PIK3AP1: variants seen among roughly 807,000 people sequenced by gnomAD.
The protein encoded by PIK3AP1 is phosphoinositide 3-kinase adapter protein 1.
In PIK3AP1, 21 loss-of-function variants were observed where a neutral mutation model predicts 88.1. That is an observed-to-expected ratio of 0.24 (90% CI 0.17 to 0.34). The LOEUF (loss-of-function observed/expected upper bound fraction) is 0.34, where lower values mean the gene tolerates loss of function less well. Among genes scored for constraint, PIK3AP1 ranks in the 10% least tolerant of loss-of-function variants. The pLI is 1.00. For synonymous variants in PIK3AP1, 398 were observed against 400.0 expected, an observed-to-expected ratio of 1.00 and a Z score of 0.06; for missense variants, 828 against 1,035.7, an observed-to-expected ratio of 0.80 and a Z score of 2.75.
intron 12 of PIK3AP1, chr10:96,618,590 A>C (rs1589491757): frequency 1.3e-3 from 1 of 782 alleles, no homozygotes; most frequent in African/African-American, 1.4e-3. Flanking sequence ...AAGAAAATGT[A>C]AAAAAAAAAA....
chr10:96,598,232 G>A (rs1172310012), intron 16 of PIK3AP1, among the ~76,000 whole-genome samples: 1 of 151,722 alleles, frequency 6.6e-6, no homozygotes, highest in Non-Finnish European at 1.5e-5. Flanking sequence ...TGTTTGTTTT[G>A]TAGAGATGGG....
chr10:96,616,502 G>C, intron 13 of PIK3AP1, 137 bp downstream of exon 13: 1 of 847,154 alleles, frequency 1.2e-6, no homozygotes, highest in Non-Finnish European at 2.0e-6. Context: ...CAGTCTAGTG[G>C]GGGACCCAGA....
At chr10:96,601,209 C>T (rs1011926322) in intron 16 of PIK3AP1, among the ~76,000 whole-genome samples, 4 of 152,088 alleles carry the variant, frequency 2.6e-5, no homozygotes, top group African/African-American at 9.7e-5. Flanking sequence ...CATGGTGGCT[C>T]ATGTCTGTAA....
chr10:96,621,889 C>A (rs1286407772), intron 11 of PIK3AP1, among the ~76,000 whole-genome samples: 1 of 152,220 alleles, frequency 6.6e-6, no homozygotes, highest in Non-Finnish European at 1.5e-5. Flanking sequence ...GCTAGCAGCA[C>A]CCCCTTCTTG....
chr10:96,627,831 C>G (rs1843175084), intron 9 of PIK3AP1, among the ~76,000 whole-genome samples: 1 of 152,174 alleles, frequency 6.6e-6, no homozygotes, highest in Non-Finnish European at 1.5e-5. Context: ...TTAATTATCA[C>G]AACATTTATC....
In PIK3AP1 at chr10:96,711,739, A is replaced by ATTTTTTTTTTT. The variant is rs763923650; in HGVS notation, c.14-1767_14-1757dup. ...ATTTCCCCCAGGATGAGATTACCAAATTTTTTTTTTTTTTTTTTTTTTTTT... is the reference window on the plus strand; with the variant it reads ...ATTTCCCCCAGGATGAGATTACCAAATTTTTTTTTTTTTTTTTTTTTTTTTTTTTTTTTTTT... On this transcript the variant is annotated intron_variant, in intron 1 of 16. Coordinates refer to ENST00000339364, the MANE Select transcript of PIK3AP1 (RefSeq NM_152309.3). Among the ~76,000 whole-genome samples the ATTTTTTTTTTT allele has an allele frequency of 1.4e-3, 90 of 66,444 alleles. 11 individuals carry two copies. Among genetic ancestry groups the ATTTTTTTTTTT allele is most frequent in the African/African-American group, 5.2e-3 (74 of 14,254 alleles). The allele number at this position is 66,444 out of a possible 152,430, so 43.6% of individuals were successfully genotyped here.
intron 13 of PIK3AP1, among the ~76,000 whole-genome samples, chr10:96,611,630 C>T (rs1849111836): frequency 1.3e-5 from 2 of 152,094 alleles, no homozygotes; most frequent in Non-Finnish European, 2.9e-5. Context: ...CCACCATGCC[C>T]AGCTCATTTT....
chr10:96,605,153 G>T (rs7073682), intron 14 of PIK3AP1, among the ~76,000 whole-genome samples: 1 of 152,096 alleles, frequency 6.6e-6, no homozygotes, highest in East Asian at 1.9e-4. Context: ...CTACCATGCC[G>T]GGCCCTCAGA....
intron 2 of PIK3AP1, among the ~76,000 whole-genome samples, chr10:96,683,963 C>G (rs749418147): frequency 2.6e-5 from 4 of 152,234 alleles, no homozygotes; most frequent in African/African-American, 4.8e-5. Context: ...TTGAATTAGA[C>G]TGATGGCTAA....
At chr10:96,662,794 A>C (rs1429652449) in intron 2 of PIK3AP1, among the ~76,000 whole-genome samples, 2 of 144,762 alleles carry the variant, frequency 1.4e-5, no homozygotes, top group Non-Finnish European at 3.0e-5. Context: ...AGGCAGGAGA[A>C]TGGCGTGAAC....
At chr10:96,626,940 G>A (rs1045109800) in intron 9 of PIK3AP1, 35 bp from the exon 10 acceptor site, 6 of 1,570,722 alleles carry the variant, frequency 3.8e-6, no homozygotes, top group Non-Finnish European at 5.3e-6. Flanking sequence ...GAAAGCAGTG[G>A]CCAAACAAAC....
Position 96,709,872 on chromosome 10 carries a change from A to G in PIK3AP1, c.125T>C (p.Ile42Thr), listed in dbSNP as rs1212171546. The G allele has an allele frequency of 2.5e-6, 4 of 1,613,854 alleles. No homozygotes were observed. The highest frequency in any genetic ancestry group is 1.1e-5 in the South Asian group (1 of 91,078). ...LSSRQVRSQK[I>T]LTHRLGPEAS... ...CTCGGGGCCCAGCCTGTGAGTCAGT[A>G]TCTTCTGGCTGCGGACCTGCCGACT... The change falls in exon 2 of 17, where the codon ATA becomes ACA. Residue 42 changes from isoleucine (I) to threonine (T), a missense_variant. Physicochemically the swap from Ile to Thr is moderately conservative, Grantham distance 89. This residue lies in a region of PIK3AP1 where 610 missense variants were observed against 760.1 expected (regional missense o/e 0.80). Coordinates refer to ENST00000339364, the MANE Select transcript of PIK3AP1 (RefSeq NM_152309.3).
rs1360329021 is a variant in PIK3AP1, at chr10:96,720,439, G to A, written c.-45C>T. The A allele has an allele frequency of 1.1e-5, 13 of 1,226,024 alleles. No individual in the cohort carries two copies. Among genetic ancestry groups the A allele is most frequent in the Admixed American group, 4.3e-5 (1 of 23,334 alleles). The allele number at this position is 1,226,024 out of a possible 1,614,324, so 75.9% of individuals were successfully genotyped here. The stretch of plus-strand genomic sequence containing the variant: ...ATCCCTGGCTCGCTGCGTGCCCGGG[G>A]CCGGGACCGGGGCCGGCGGCGTCCT... On this transcript the variant is annotated 5_prime_UTR_variant, in exon 1 of 17. Transcript: ENST00000339364. The surrounding 1 kb of genome is among the most constrained non-coding windows in gnomAD (Gnocchi z 4.6).
In PIK3AP1 at chr10:96,628,883, T is replaced by TATAC. The variant is rs1564961182; in HGVS notation, c.1376-391_1376-390insGTAT. On this transcript the variant is annotated intron_variant, in intron 8 of 16. Coordinates refer to ENST00000339364, the MANE Select transcript of PIK3AP1 (RefSeq NM_152309.3). ...ACACACACATATATACACATATATA[T>TATAC]ATATACATATATATATATATATATG... 2.0e-3 allele frequency among the ~76,000 whole-genome samples: 26 copies of TATAC among 12,798 alleles called. 1 individual carries two copies. The highest frequency in any genetic ancestry group is 4.0e-3 in the South Asian group (1 of 252). 8.4% of individuals were successfully genotyped at this position (12,798 alleles called of 152,430 possible).
chr10:96,688,860 A>G (rs1393385518), intron 2 of PIK3AP1, among the ~76,000 whole-genome samples: 1 of 152,092 alleles, frequency 6.6e-6, no homozygotes, highest in Admixed American at 6.5e-5. Context: ...TAAAGTGGCT[A>G]GATCTGGCTA....
intron 13 of PIK3AP1, among the ~76,000 whole-genome samples, chr10:96,615,316 A>C (rs2065646090): frequency 6.6e-6 from 1 of 152,106 alleles, no homozygotes; most frequent in Non-Finnish European, 1.5e-5. Context: ...GAAGGCTTTG[A>C]TCAAGGGCGT....
At chr10:96,640,610 A>C (rs963356806) in intron 8 of PIK3AP1, among the ~76,000 whole-genome samples, 1 of 152,120 alleles carries the variant, frequency 6.6e-6, no homozygotes, top group Admixed American at 6.5e-5. Context: ...AAGACATTTT[A>C]TCTCTTACAT....
chr10:96,600,214 C>G (rs1274774540), intron 16 of PIK3AP1, among the ~76,000 whole-genome samples: 1 of 152,238 alleles, frequency 6.6e-6, no homozygotes, highest in Non-Finnish European at 1.5e-5. Flanking sequence ...AGCCCAATCT[C>G]AAGCCCCAGT....
intron 2 of PIK3AP1, among the ~76,000 whole-genome samples, chr10:96,693,543 C>A (rs1404534135): frequency 1.3e-5 from 2 of 152,156 alleles, no homozygotes; most frequent in Admixed American, 6.5e-5. Context: ...CTGACAAATG[C>A]AGGGTAGAGG....
Sources: allele counts gnomAD v4.1 joint callset (sites outside exome capture counted in the v4.1 genomes callset), GRCh38; gene constraint gnomAD v4.1.1; regional missense constraint gnomAD v4.1.1; non-coding constraint Gnocchi (gnomAD v3.1); transcripts MANE v1.5; gene names NCBI Gene and HGNC (gene_info 2026-07-23, HGNC 2026-07-21).